PCDHA1: variants seen among roughly 807,000 people sequenced by gnomAD.
The protein encoded by PCDHA1 is protocadherin alpha-1.
A neutral mutation model predicts 61.3 loss-of-function variants in PCDHA1; 42 were observed. That is an observed-to-expected ratio of 0.69 (90% CI 0.54 to 0.89). The LOEUF (loss-of-function observed/expected upper bound fraction) is 0.89, where lower values mean the gene tolerates loss of function less well. Ranked by LOEUF, PCDHA1 falls within the 40% of genes least tolerant of loss-of-function variation. PCDHA1 has a pLI of 0.00. For synonymous variants in PCDHA1, 610 were observed against 553.8 expected, an observed-to-expected ratio of 1.10 and a Z score of -1.43; for missense variants, 1,256 against 1,235.3, an observed-to-expected ratio of 1.02 and a Z score of -0.25.
At chr5:140,882,481 C>A in intron 1 of PCDHA1, 1 of 1,614,038 alleles carries the variant, frequency 6.2e-7, no homozygotes, top group Non-Finnish European at 8.5e-7. Flanking sequence ...CCAAAAGACA[C>A]GGGGACCTTC....
At chr5:140,927,212 T>C (rs150770754) in intron 1 of PCDHA1, 20 of 1,614,012 alleles carry the variant, frequency 1.2e-5, no homozygotes, top group African/African-American at 1.1e-4. Flanking sequence ...CCGCTGGAGC[T>C]GCACAAGATT....
intron 1 of PCDHA1, among the ~76,000 whole-genome samples, chr5:140,908,828 A>C (rs1490004627): frequency 6.6e-6 from 1 of 152,176 alleles, no homozygotes; most frequent in Non-Finnish European, 1.5e-5. Context: ...GTTACTCGAT[A>C]AATGGGCTGG....
intron 1 of PCDHA1, chr5:140,862,626 C>A: frequency 1.9e-6 from 1 of 532,422 alleles, no homozygotes; most frequent in South Asian, 1.4e-5. Flanking sequence ...ACCCGCGGGG[C>A]TGCCACGACT....
chr5:140,941,202 C>CCTTTCTTCCTTCCTTT (rs1394736170), intron 1 of PCDHA1, among the ~76,000 whole-genome samples: 7 of 122,740 alleles, frequency 5.7e-5, no homozygotes, highest in African/African-American at 1.5e-4. Context: ...TTTCTTTCTT[C>CCTTTCTTCCTTCCTTT]CTTTCTTTCT....
At chr5:140,790,858 G>T (rs1554118598) in intron 1 of PCDHA1, among the ~76,000 whole-genome samples, 1 of 152,188 alleles carries the variant, frequency 6.6e-6, no homozygotes, top group Non-Finnish European at 1.5e-5. Flanking sequence ...AAATAAATGG[G>T]CGTAGGAGTA....
intron 1 of PCDHA1, among the ~76,000 whole-genome samples, chr5:140,839,798 G>C (rs1186676408): frequency 6.6e-6 from 1 of 151,960 alleles, no homozygotes; most frequent in Non-Finnish European, 1.5e-5. Context: ...ATTTGGAGGA[G>C]CTCTTAATTG....
At chr5:140,909,038 A>C (rs1396337089) in intron 1 of PCDHA1, among the ~76,000 whole-genome samples, 1 of 152,126 alleles carries the variant, frequency 6.6e-6, no homozygotes, top group African/African-American at 2.4e-5. Context: ...TTTATTTTCC[A>C]TACTCTGGCA....
chr5:140,807,720 T>TA, intron 1 of PCDHA1: 1 of 1,614,190 alleles, frequency 6.2e-7, no homozygotes, highest in Non-Finnish European at 8.5e-7. Context: ...AATGAATACT[T>TA]TTCTCTGGAA....
chr5:140,828,657 A>G (rs2150157690), intron 1 of PCDHA1: 3 of 1,614,090 alleles, frequency 1.9e-6, no homozygotes, highest in African/African-American at 2.7e-5. Flanking sequence ...AGTGATGACA[A>G]TAAACAAATT....
At chr5:140,909,353 T>C (rs2074452823) in intron 1 of PCDHA1, among the ~76,000 whole-genome samples, 1 of 152,156 alleles carries the variant, frequency 6.6e-6, no homozygotes, top group Non-Finnish European at 1.5e-5. Flanking sequence ...CCAAGAGATG[T>C]GTTAATTTGT....
chr5:140,855,908 C>T, intron 1 of PCDHA1: 1 of 1,151,190 alleles, frequency 8.7e-7, no homozygotes, highest in Non-Finnish European at 1.2e-6. Context: ...GCCAGTTTCT[C>T]AAGGACTAGG....
At chr5:140,867,220 A>G (rs782476423) in intron 1 of PCDHA1, 2 of 152,110 alleles carry the variant, frequency 1.3e-5, no homozygotes, top group Non-Finnish European at 2.9e-5. Flanking sequence ...TTCATCCCCA[A>G]TTCCCATAAT....
At chr5:140,966,767 A>T in intron 1 of PCDHA1, 1 of 1,484,362 alleles carries the variant, frequency 6.7e-7, no homozygotes, top group South Asian at 1.3e-5. Context: ...GCCAGTGGCT[A>T]TGGAGCAGGC....
chr5:140,867,041 C>G (rs188716908), intron 1 of PCDHA1: 1 of 152,078 alleles, frequency 6.6e-6, no homozygotes, highest in East Asian at 1.9e-4. Flanking sequence ...TATGACTTGG[C>G]GTTTGTTCAG....
chr5:140,857,703 T>C (rs782327503), intron 1 of PCDHA1: 6 of 1,597,222 alleles, frequency 3.8e-6, no homozygotes, highest in Middle Eastern at 1.8e-4. Flanking sequence ...ACGCTGCAGG[T>C]GTTCGTGCTG....
intron 1 of PCDHA1, chr5:140,877,849 TA>T: frequency 6.5e-7 from 1 of 1,545,946 alleles, no homozygotes; most frequent in Non-Finnish European, 8.7e-7. Context: ...AGTAAGTTAT[TA>T]ATATTATTTA....
chr5:140,859,774 G>C (rs1214476805), intron 1 of PCDHA1: 1 of 152,534 alleles, frequency 6.6e-6, no homozygotes, highest in Non-Finnish European at 1.5e-5. Flanking sequence ...TCCATGCCCT[G>C]TCTCCAGCTC....
At chr5:140,802,574 G>A (rs1413147037) in intron 1 of PCDHA1, 7 of 1,614,056 alleles carry the variant, frequency 4.3e-6, no homozygotes, top group Non-Finnish European at 5.9e-6. Flanking sequence ...CGCAGTCCGA[G>A]TACACGGTGT....
intron 3 of PCDHA1, among the ~76,000 whole-genome samples, chr5:141,000,001 T>C (rs2097888294): frequency 6.6e-6 from 1 of 152,030 alleles, no homozygotes; most frequent in African/African-American, 2.4e-5. Flanking sequence ...TGGTATTAGA[T>C]TGGCCTCCCC....
Sources: gnomAD v4.1 joint callset for allele counts (sites outside exome capture counted in the v4.1 genomes callset) on GRCh38, gnomAD v4.1.1 for gene constraint, MANE v1.5 for transcripts, NCBI Gene and HGNC (gene_info 2026-07-23, HGNC 2026-07-21) for gene names.